Variants in FSTL4 observed in about 807,000 individuals in gnomAD.
FSTL4 encodes follistatin-related protein 4.
Under a neutral mutation model 78.2 loss-of-function variants are expected in FSTL4, and 28 were observed. The observed-to-expected ratio is 0.36, with a 90% CI of 0.27 to 0.49. The LOEUF (loss-of-function observed/expected upper bound fraction) is 0.49. Among genes scored for constraint, FSTL4 ranks in the 20% least tolerant of loss-of-function variants. The pLI is 0.98. For missense variants in FSTL4, 922 were observed against 1,084.9 expected (o/e 0.85, Z 2.11); for synonymous variants, 422 against 440.5 (o/e 0.96, Z 0.53).
chr5:133,795,802 T>A, the FSTL4 span, among the ~76,000 whole-genome samples: 32 of 152,324 alleles, frequency 2.1e-4, 2 homozygotes, highest in African/African-American at 7.5e-4. Flanking sequence ...TCCTCTTCCA[T>A]GCAGCCTAAA....
At chr5:133,644,464 G>C in the FSTL4 span, among the ~76,000 whole-genome samples, 1 of 152,070 alleles carries the variant, frequency 6.6e-6, no homozygotes, top group East Asian at 1.9e-4. Flanking sequence ...TCCCTCTGCT[G>C]TTGGTTCAGC....
chr5:133,538,579 T>C (rs1759402716), intron 3 of FSTL4, among the ~76,000 whole-genome samples: 1 of 152,150 alleles, frequency 6.6e-6, no homozygotes, highest in Non-Finnish European at 1.5e-5. Flanking sequence ...AACTCCATCT[T>C]TCCTTCTATA....
intron 4 of FSTL4, among the ~76,000 whole-genome samples, chr5:133,378,693 T>C (rs1161912635): frequency 2.0e-5 from 3 of 152,250 alleles, no homozygotes; most frequent in African/African-American, 7.2e-5. Context: ...AGTTTTAGTA[T>C]GAATTTGAAG....
chr5:133,300,883 C>G (rs6899269), intron 6 of FSTL4, among the ~76,000 whole-genome samples: 130,839 of 151,772 alleles, frequency 0.86, 56,596 homozygotes, highest in African/African-American at 0.93. Context: ...TGAATAACAG[C>G]TCTGCTGCTC....
At chr5:133,395,188 C>G (rs1226244619) in intron 4 of FSTL4, among the ~76,000 whole-genome samples, 2 of 151,988 alleles carry the variant, frequency 1.3e-5, no homozygotes, top group Admixed American at 6.5e-5. Context: ...TCCCCTTCCA[C>G]CCCGTGGAAG....
the FSTL4 span, among the ~76,000 whole-genome samples, chr5:133,687,546 A>G: frequency 6.6e-6 from 1 of 152,172 alleles, no homozygotes; most frequent in Non-Finnish European, 1.5e-5. Context: ...GGCGTCAGTT[A>G]AAACTCATTG....
intron 3 of FSTL4, among the ~76,000 whole-genome samples, chr5:133,537,360 T>C (rs1759369845): frequency 6.6e-6 from 1 of 152,228 alleles, no homozygotes; most frequent in African/African-American, 2.4e-5. Flanking sequence ...ATATTTTTGA[T>C]GCCAGTAGTG....
the FSTL4 span, among the ~76,000 whole-genome samples, chr5:133,835,228 T>C: frequency 6.6e-6 from 1 of 152,316 alleles, no homozygotes; most frequent in African/African-American, 2.4e-5. Flanking sequence ...CCCAGCACAC[T>C]TAAGACTAGG....
At chr5:133,656,421 C>T in the FSTL4 span, among the ~76,000 whole-genome samples, 1 of 152,204 alleles carries the variant, frequency 6.6e-6, no homozygotes, top group African/African-American at 2.4e-5. Context: ...GCCATTTGCA[C>T]AGGCAGTGGC....
chr5:133,201,884 G>T (rs1437839036), intron 15 of FSTL4, 49 bp downstream of exon 15: 1 of 1,078,806 alleles, frequency 9.3e-7, no homozygotes, highest in East Asian at 2.4e-5. Flanking sequence ...CCCTTGCAGG[G>T]CTGAGCTGGA....
chr5:133,235,652 C>T (rs1052813862), intron 7 of FSTL4, among the ~76,000 whole-genome samples: 3 of 151,984 alleles, frequency 2.0e-5, no homozygotes, highest in African/African-American at 4.8e-5. Flanking sequence ...AAACTCCTAG[C>T]AGTGCTCTCA....
the FSTL4 span, among the ~76,000 whole-genome samples, chr5:133,659,489 T>C: frequency 1.3e-5 from 2 of 152,016 alleles, no homozygotes; most frequent in Non-Finnish European, 1.5e-5. Context: ...GGTTTTTATC[T>C]TGATTGCTTG....
the FSTL4 span, among the ~76,000 whole-genome samples, chr5:133,741,308 G>A: frequency 6.6e-6 from 1 of 152,244 alleles, no homozygotes; most frequent in Non-Finnish European, 1.5e-5. Flanking sequence ...ACAAGGGCAT[G>A]GTTGCAGCTG....
At chr5:133,687,031 A>G in the FSTL4 span, among the ~76,000 whole-genome samples, 1 of 152,102 alleles carries the variant, frequency 6.6e-6, no homozygotes, top group Non-Finnish European at 1.5e-5. Context: ...ACACAACAAA[A>G]CATACACAGG....
intron 3 of FSTL4, among the ~76,000 whole-genome samples, chr5:133,528,857 T>C (rs1045404974): frequency 1.3e-5 from 2 of 152,230 alleles, no homozygotes; most frequent in Non-Finnish European, 2.9e-5. Context: ...TAAAACCTGT[T>C]CTTGTTTGGA....
chr5:133,432,520 T>G (rs1756960822), intron 3 of FSTL4, among the ~76,000 whole-genome samples: 1 of 152,208 alleles, frequency 6.6e-6, no homozygotes, highest in Non-Finnish European at 1.5e-5. Flanking sequence ...TTCGAGCTGC[T>G]ATGAGACTTG....
the FSTL4 span, among the ~76,000 whole-genome samples, chr5:133,841,719 T>C: frequency 6.6e-6 from 1 of 152,210 alleles, no homozygotes. Context: ...CCCCAGCTGA[T>C]GATGCTCCAA....
chr5:133,403,650 C>T (rs1310274250), intron 3 of FSTL4, among the ~76,000 whole-genome samples: 1 of 152,222 alleles, frequency 6.6e-6, no homozygotes, highest in East Asian at 1.9e-4. Context: ...CTTGCCTTCT[C>T]CAAAGTGGGC....
At chr5:133,315,880 G>A (rs1753891942) in intron 5 of FSTL4, among the ~76,000 whole-genome samples, 1 of 152,208 alleles carries the variant, frequency 6.6e-6, no homozygotes, top group South Asian at 2.1e-4. Context: ...AACTACCCCT[G>A]CTCCACCTTG....
Sources: gnomAD v4.1 joint callset for allele counts (sites outside exome capture counted in the v4.1 genomes callset) on GRCh38, gnomAD v4.1.1 for gene constraint, MANE v1.5 for transcripts, NCBI Gene and HGNC (gene_info 2026-07-23, HGNC 2026-07-21) for gene names.